The following EXOC4 variants were observed in gnomAD, a reference collection of about 807,000 sequenced individuals.
EXOC4 encodes the protein exocyst complex component 4, also known as SEC8-like 1.
EXOC4 carries 71 observed loss-of-function variants against 107.2 expected under a neutral mutation model. That is an observed-to-expected ratio of 0.66 (90% CI 0.55 to 0.81). The LOEUF (loss-of-function observed/expected upper bound fraction) is 0.81. Ranked by LOEUF, EXOC4 falls within the 30% of genes least tolerant of loss-of-function variation. EXOC4 has a pLI of 0.00. For synonymous variants in EXOC4, 456 were observed against 441.2 expected (o/e 1.03, Z -0.42); for missense variants, 1,108 against 1,189.6 (o/e 0.93, Z 1.01).
chr7:133,266,454 T>C (rs1161000292), intron 1 of EXOC4, among the ~76,000 whole-genome samples: 1 of 152,192 alleles, frequency 6.6e-6, no homozygotes, highest in Non-Finnish European at 1.5e-5. Flanking sequence ...GCTTCTAGAG[T>C]GAGAATCTCT....
chr7:133,485,354 C>T (rs903808734), intron 9 of EXOC4, among the ~76,000 whole-genome samples: 2 of 151,760 alleles, frequency 1.3e-5, no homozygotes, highest in Non-Finnish European at 2.9e-5. Context: ...CATGTTCTTT[C>T]TGAGTCTTGT....
intron 14 of EXOC4, among the ~76,000 whole-genome samples, chr7:133,996,930 C>A (rs1794404988): frequency 6.6e-6 from 1 of 152,176 alleles, no homozygotes; most frequent in Admixed American, 6.5e-5. Flanking sequence ...ATCTTCAATA[C>A]TTGTAGTACT....
chr7:133,841,839 G>A (rs941319083), intron 11 of EXOC4, among the ~76,000 whole-genome samples: 4 of 151,958 alleles, frequency 2.6e-5, no homozygotes, highest in East Asian at 1.9e-4. Flanking sequence ...AGTAGGTCCC[G>A]GTGTCTGTTT....
chr7:133,969,061 C>T (rs1375637350), intron 14 of EXOC4, among the ~76,000 whole-genome samples: 1 of 152,042 alleles, frequency 6.6e-6, no homozygotes, highest in Non-Finnish European at 1.5e-5. Flanking sequence ...TTTCTCTAAT[C>T]TTGGCTTCAC....
chr7:133,910,381 C>G (rs930486003), intron 12 of EXOC4, among the ~76,000 whole-genome samples: 3 of 152,194 alleles, frequency 2.0e-5, no homozygotes, highest in African/African-American at 4.8e-5. Context: ...CTTCTGTAAA[C>G]TGTCATTGCA....
intron 10 of EXOC4, among the ~76,000 whole-genome samples, chr7:133,659,145 G>C (rs1803373797): frequency 6.6e-6 from 1 of 150,896 alleles, no homozygotes; most frequent in Non-Finnish European, 1.5e-5. Flanking sequence ...ATAGGTAATA[G>C]AGACATAGAC....
chr7:133,987,845 A>G (rs1294313771), intron 14 of EXOC4, among the ~76,000 whole-genome samples: 4 of 152,188 alleles, frequency 2.6e-5, no homozygotes, highest in East Asian at 1.9e-4. Flanking sequence ...CCTCATATGA[A>G]TCAATTAAAG....
downstream of EXOC4, among the ~76,000 whole-genome samples, chr7:134,066,829 C>A (rs1426335713): frequency 6.6e-6 from 1 of 152,064 alleles, no homozygotes; most frequent in Non-Finnish European, 1.5e-5. Flanking sequence ...TGTGTGAAGA[C>A]CTCTCCCTAA....
intron 9 of EXOC4, among the ~76,000 whole-genome samples, chr7:133,617,917 C>A (rs1367580530): frequency 6.6e-6 from 1 of 152,040 alleles, no homozygotes; most frequent in Non-Finnish European, 1.5e-5. Context: ...GGGATAGGAC[C>A]TACTTTCAAA....
intron 9 of EXOC4, among the ~76,000 whole-genome samples, chr7:133,491,998 G>C (rs902011368): frequency 6.6e-6 from 1 of 152,212 alleles, no homozygotes; most frequent in East Asian, 1.9e-4. Context: ...CTGGTAGGCA[G>C]ATCTCAAAAG....
In EXOC4 at chr7:133,605,682, G is replaced by A. The variant is rs1466397410; in HGVS notation, c.1418-24363G>A. 3.3e-5 allele frequency among the ~76,000 whole-genome samples: 5 copies of A among 152,180 alleles called. No individual in the cohort carries two copies. In the East Asian group the frequency reaches 7.7e-4, roughly 23 times the overall value. On this transcript the variant is annotated intron_variant, in intron 9 of 17. Transcript: ENST00000253861. ...ATACTAAGTTAGAGTCATGCTTAAT[G>A]GAATTCTAGTGAAGATGTTGAGAAG...
chr7:133,844,639 C>T (rs1442374066), intron 11 of EXOC4, among the ~76,000 whole-genome samples: 6 of 152,088 alleles, frequency 3.9e-5, no homozygotes, highest in East Asian at 1.9e-4. Flanking sequence ...CTGCCTGCCT[C>T]GGCCTCACAA....
chr7:133,752,326 A>G (rs1487366496), intron 10 of EXOC4, among the ~76,000 whole-genome samples: 2 of 152,224 alleles, frequency 1.3e-5, no homozygotes, highest in African/African-American at 4.8e-5. Context: ...GCATGGGTGC[A>G]GAGTCCTAAG....
intron 10 of EXOC4, among the ~76,000 whole-genome samples, chr7:133,708,141 G>A (rs1026970553): frequency 2.0e-5 from 3 of 152,176 alleles, no homozygotes; most frequent in Admixed American, 1.3e-4. Flanking sequence ...TGAAGCAGAA[G>A]TATATGACTC....
intron 17 of EXOC4, among the ~76,000 whole-genome samples, chr7:134,061,708 T>C (rs951783602): frequency 7.2e-5 from 11 of 152,204 alleles, no homozygotes; most frequent in Admixed American, 2.6e-4. Context: ...AATAGACAAC[T>C]CCCTCCATCA....
At chr7:133,827,858 C>T (rs768382333) in intron 11 of EXOC4, among the ~76,000 whole-genome samples, 6 of 152,122 alleles carry the variant, frequency 3.9e-5, no homozygotes, top group Non-Finnish European at 4.4e-5. Context: ...ACTTGTTTAC[C>T]AGTTTTGCTT....
chr7:133,935,723 GAATGATTTGCCTTAAAATATTCTA>G (rs1338190654), intron 13 of EXOC4, among the ~76,000 whole-genome samples: 5 of 152,100 alleles, frequency 3.3e-5, no homozygotes, highest in Admixed American at 3.3e-4. Flanking sequence ...AGCATCCCCT[GAATGATTTGCCTTAAAATATTCTA>G]AAGTGGTGAT....
At chr7:133,604,199 G>C (rs1210861329) in intron 9 of EXOC4, among the ~76,000 whole-genome samples, 2 of 151,976 alleles carry the variant, frequency 1.3e-5, no homozygotes, top group Non-Finnish European at 2.9e-5. Flanking sequence ...CCTTCTTCTG[G>C]AATACCTCCT....
chr7:133,849,402 G>A (rs1382934301), intron 11 of EXOC4, among the ~76,000 whole-genome samples: 1 of 152,104 alleles, frequency 6.6e-6, no homozygotes, highest in Admixed American at 6.5e-5. Flanking sequence ...CCTGGTGATA[G>A]ATCAAGATCC....
Sources: gnomAD v4.1 joint callset for allele counts (sites outside exome capture counted in the v4.1 genomes callset) on GRCh38, gnomAD v4.1.1 for gene constraint, MANE v1.5 for transcripts, NCBI Gene and HGNC (gene_info 2026-07-23, HGNC 2026-07-21) for gene names.